The following BCAS3 variants were observed in gnomAD, a reference collection of about 807,000 sequenced individuals.
BCAS3 encodes the protein BCAS4/BCAS3 fusion.
In BCAS3, 53 loss-of-function variants were observed where a neutral mutation model predicts 116.1. The ratio of observed to expected loss-of-function variants is 0.46; its 90% CI spans 0.37 to 0.57. The LOEUF (loss-of-function observed/expected upper bound fraction) is 0.57, where lower values mean the gene tolerates loss of function less well. BCAS3 is among the 20% of genes least tolerant of loss of function. The pLI is 0.00. For synonymous variants in BCAS3, 391 were observed against 408.2 expected (o/e 0.96, Z 0.51); for missense variants, 917 against 1,165.4 (o/e 0.79, Z 3.10).
At position 61,207,272 on chromosome 17, in the gene BCAS3, A is replaced by G. The variant is rs1374922840; in HGVS notation, c.2425+122708A>G. 4.6e-5 allele frequency among the ~76,000 whole-genome samples: 7 copies of G among 152,322 alleles called. No individual in the cohort carries two copies. The East Asian group carries it at 1.4e-3, about 29-fold the overall frequency. On this transcript the variant is annotated intron_variant, in intron 22 of 23. Coordinates refer to ENST00000407086, the MANE Select transcript of BCAS3 (RefSeq NM_017679.5). ...AGTGATTGACATCGTTTTCTTGTCG[A>G]TAAGTATGATACTTATACATCTGTC...
intron 22 of BCAS3, among the ~76,000 whole-genome samples, chr17:61,238,057 G>A (rs2083201677): frequency 6.6e-6 from 1 of 152,044 alleles, no homozygotes; most frequent in Non-Finnish European, 1.5e-5. Flanking sequence ...TTTTGTTTTT[G>A]TTTTTGTTTT....
chr17:61,318,084 T>C (rs1246187036), intron 22 of BCAS3, among the ~76,000 whole-genome samples: 1 of 152,208 alleles, frequency 6.6e-6, no homozygotes, highest in Non-Finnish European at 1.5e-5. Context: ...AGGCCGCCTC[T>C]CCTGCTAGAG....
chr17:61,064,645 T>C lies in BCAS3; in HGVS notation c.2030-10275T>C, dbSNP rs2070422940. Among the ~76,000 whole-genome samples the C allele has an allele frequency of 1.3e-5, 2 of 152,184 alleles. 1 individual carries two copies. The highest frequency in any genetic ancestry group is 1.3e-4 in the Admixed American group (2 of 15,276). ...CAGAGTTGTCAGTTTTTCAGTGAAA[T>C]CTATTAGTTTATAGACAGAGAAGAT... On this transcript the variant is annotated intron_variant, in intron 19 of 23. Coordinates refer to ENST00000407086, the MANE Select transcript of BCAS3 (RefSeq NM_017679.5).
rs537280667 is a variant in BCAS3, at chr17:60,959,530, T to C, written c.1221+12178T>C. ...TCAGTGAATAGAGGAACTAAATTTC[T>C]CATATTTCATACATTGCTGTTGGTA... On this transcript the variant is annotated intron_variant, in intron 14 of 23. Coordinates refer to ENST00000407086, the MANE Select transcript of BCAS3 (RefSeq NM_017679.5). 4.8e-4 allele frequency among the ~76,000 whole-genome samples: 73 copies of C among 152,258 alleles called. 1 individual carries two copies. The South Asian group carries it at 0.015, about 31-fold the overall frequency.
At chr17:61,197,674 C>A (rs2080562800) in intron 22 of BCAS3, among the ~76,000 whole-genome samples, 1 of 152,132 alleles carries the variant, frequency 6.6e-6, no homozygotes, top group Non-Finnish European at 1.5e-5. Context: ...AGGTATACAT[C>A]TTCCAACTAT....
At chr17:61,375,921 C>T (rs1391366797) in intron 23 of BCAS3, among the ~76,000 whole-genome samples, 1 of 152,196 alleles carries the variant, frequency 6.6e-6, no homozygotes, top group Non-Finnish European at 1.5e-5. Flanking sequence ...ATTTTAAAAG[C>T]AGATAATTGA....
rs1407252968 is a variant in BCAS3, at chr17:61,348,857, A to T, written c.2426-19470A>T. On this transcript the variant is annotated intron_variant, in intron 22 of 23. Coordinates refer to ENST00000407086, the MANE Select transcript of BCAS3 (RefSeq NM_017679.5). The surrounding 1 kb of genome is among the most constrained non-coding windows in gnomAD (Gnocchi z 4.5). ...AAGCTCCGCCTCCCAGGTTAATGCCATTCTCCTGCCTCAGCTTCCCGAGTA... is the reference window on the plus strand; with the variant it reads ...AAGCTCCGCCTCCCAGGTTAATGCCTTTCTCCTGCCTCAGCTTCCCGAGTA... Among the ~76,000 whole-genome samples the T allele has an allele frequency of 3.4e-5, 5 of 148,224 alleles. No individual in the cohort carries two copies. Among genetic ancestry groups the T allele is most frequent in the Admixed American group, 6.9e-5 (1 of 14,490 alleles).
intron 22 of BCAS3, among the ~76,000 whole-genome samples, chr17:61,303,350 C>T (rs921988971): frequency 6.6e-6 from 1 of 152,130 alleles, no homozygotes; most frequent in Non-Finnish European, 1.5e-5. Context: ...GATACAGCAG[C>T]GGCCTGGAAC....
Position 61,241,338 on chromosome 17 carries a change from C to T in BCAS3, c.2426-126989C>T, listed in dbSNP as rs1288822996. Reference sequence around the variant, plus strand: ...CTCTGTTGTCCTCTGCTTGTTTCATCTTGTGACTTAAAACACACACACCTT... The same window carrying T: ...CTCTGTTGTCCTCTGCTTGTTTCATTTTGTGACTTAAAACACACACACCTT... On this transcript the variant is annotated intron_variant, in intron 22 of 23. Transcript: ENST00000407086. This position sits in a 1 kb window ranked among gnomAD's most constrained non-coding sequence, Gnocchi z 4.6. Among the ~76,000 whole-genome samples, 1 of 151,948 alleles carries T rather than the reference C, an allele frequency of 6.6e-6. No individual in the cohort carries two copies. The highest frequency in any genetic ancestry group is 6.6e-5 in the Admixed American group (1 of 15,228).
At chr17:60,921,330 T>C (rs2059072001) in intron 12 of BCAS3, among the ~76,000 whole-genome samples, 1 of 152,154 alleles carries the variant, frequency 6.6e-6, no homozygotes, top group Non-Finnish European at 1.5e-5. Flanking sequence ...TACTCCATAT[T>C]CTCACTTATA....
In BCAS3 at chr17:61,035,279, C is replaced by A. The variant is rs183833082; in HGVS notation, c.1762+489C>A. 2.4e-3 allele frequency among the ~76,000 whole-genome samples: 358 copies of A among 152,166 alleles called. 5 individuals are homozygous for A. Among genetic ancestry groups the A allele is most frequent in the South Asian group, 4.1e-4 (2 of 4,826 alleles). ...AATCTTCACATTAAAAAAATCAACTCTGCCATGTTTTAAAACACAATTAAG... is the reference window on the plus strand; with the variant it reads ...AATCTTCACATTAAAAAAATCAACTATGCCATGTTTTAAAACACAATTAAG... On this transcript the variant is annotated intron_variant, in intron 17 of 23. Coordinates refer to ENST00000407086, the MANE Select transcript of BCAS3 (RefSeq NM_017679.5).
chr17:61,322,856 C>CAG lies in BCAS3; in HGVS notation c.2426-45448_2426-45447dup, dbSNP rs149772722. ...AGAGAGAGAGAGAGAGAGAGAGAGA[C>CAG]AGAGAGAGAGAGAGAGAGAGAGAGG... On this transcript the variant is annotated intron_variant, in intron 22 of 23. Coordinates refer to ENST00000407086, the MANE Select transcript of BCAS3 (RefSeq NM_017679.5). 4.7e-3 allele frequency among the ~76,000 whole-genome samples: 284 copies of CAG among 60,484 alleles called. 2 individuals carry two copies. The highest frequency in any genetic ancestry group is 0.027 in the East Asian group (60 of 2,240). 39.7% of individuals were successfully genotyped at this position (60,484 alleles called of 152,430 possible). A position where few individuals can be genotyped will look rare whatever the true frequency, so the allele number is the denominator to read the frequency against.
intron 6 of BCAS3, among the ~76,000 whole-genome samples, chr17:60,783,728 C>T (rs903866842): frequency 6.6e-6 from 1 of 152,162 alleles, no homozygotes; most frequent in African/African-American, 2.4e-5. Context: ...CCATCATTAA[C>T]TTCTTATTTG....
chr17:60,935,094 G>A (rs2059850152), intron 13 of BCAS3, among the ~76,000 whole-genome samples: 1 of 152,156 alleles, frequency 6.6e-6, no homozygotes, highest in African/African-American at 2.4e-5. Context: ...AACCCAGGAG[G>A]TAGAGGAATA....
chr17:60,808,455 C>G, intron 7 of BCAS3, among the ~76,000 whole-genome samples: 1 of 152,156 alleles, frequency 6.6e-6, no homozygotes. Flanking sequence ...TGGCTACTAG[C>G]AGTCTTGGCC....
intron 14 of BCAS3, among the ~76,000 whole-genome samples, chr17:60,976,316 A>G (rs8074897): frequency 0.15 from 23,027 of 151,478 alleles, 5,540 homozygotes; most frequent in African/African-American, 0.51. Flanking sequence ...GAGCCACCAC[A>G]GCTTGTATAT....
At chr17:61,231,343 T>C (rs945865313) in intron 22 of BCAS3, among the ~76,000 whole-genome samples, 3 of 152,210 alleles carry the variant, frequency 2.0e-5, no homozygotes, top group African/African-American at 7.2e-5. Context: ...TTTTGTCAGA[T>C]GCATAGTTTG....
chr17:60,695,229 T>C (rs2035435485), intron 4 of BCAS3, among the ~76,000 whole-genome samples: 1 of 151,628 alleles, frequency 6.6e-6, no homozygotes, highest in Non-Finnish European at 1.5e-5. Flanking sequence ...CAAGCGATTC[T>C]CCTGCCTCGG....
At chr17:60,965,137 C>T (rs183554510) in intron 14 of BCAS3, among the ~76,000 whole-genome samples, 23 of 151,840 alleles carry the variant, frequency 1.5e-4, no homozygotes, top group Admixed American at 1.4e-3. Context: ...TCATTTGAAG[C>T]CTTTCATTTT....
Sources: allele counts gnomAD v4.1 joint callset (sites outside exome capture counted in the v4.1 genomes callset), GRCh38; gene constraint gnomAD v4.1.1; non-coding constraint Gnocchi (gnomAD v3.1); transcripts MANE v1.5; gene names NCBI Gene and HGNC (gene_info 2026-07-23, HGNC 2026-07-21).